AACS: variants seen among roughly 807,000 people sequenced by gnomAD.
AACS encodes acetoacetate-CoA ligase.
In AACS, 69 loss-of-function variants were observed where a neutral mutation model predicts 83.1. That is an observed-to-expected ratio of 0.83 (90% confidence interval 0.68 to 1.01). AACS has a LOEUF of 1.01. Ranked by LOEUF, AACS falls within the 50% of genes least tolerant of loss-of-function variation. AACS has a pLI of 0.00. For synonymous variants in AACS, 333 were observed against 343.4 expected (o/e 0.97, Z 0.33); for missense variants, 866 against 882.2 (o/e 0.98, Z 0.23).
intron 5 of AACS, among the ~76,000 whole-genome samples, chr12:125,095,562 C>A (rs1344074069): frequency 1.3e-5 from 2 of 152,202 alleles, no homozygotes; most frequent in African/African-American, 4.8e-5. Flanking sequence ...GGCTTCCTGG[C>A]AGGTCTTCCT....
At chr12:125,119,747 C>T (rs1420212260) in intron 10 of AACS, 1 of 152,072 alleles carries the variant, frequency 6.6e-6, no homozygotes, top group African/African-American at 2.4e-5. Context: ...TGGGTGGAGA[C>T]AGCTAAAACA....
rs773778254 is a variant in AACS, at chr12:125,113,911, G to A, written c.916-566G>A. The stretch of plus-strand genomic sequence containing the variant: ...TAGGGCATAGTGGGTGGGAGGGAGC[G>A]GTTCTGCTTGGGTGTTTTAGCCAGA... On this transcript the variant is annotated intron_variant, in intron 8 of 17. Transcript: ENST00000316519. This position sits in a 1 kb window ranked among gnomAD's most constrained non-coding sequence, Gnocchi z 4.8. Among the ~76,000 whole-genome samples the A allele has an allele frequency of 1.3e-5, 2 of 152,058 alleles. No individual in the cohort carries two copies. The highest frequency in any genetic ancestry group is 2.4e-5 in the African/African-American group (1 of 41,394).
intron 5 of AACS, chr12:125,102,415 A>T (rs947400219): frequency 7.8e-6 from 3 of 382,252 alleles, no homozygotes; most frequent in African/African-American, 4.2e-5. Context: ...ACTGATGATG[A>T]TGCCCTTTCT....
intron 12 of AACS, 145 bp downstream of exon 12, chr12:125,125,169 G>C (rs751456998): frequency 1.2e-5 from 16 of 1,293,672 alleles, no homozygotes; most frequent in Non-Finnish European, 1.7e-5. Flanking sequence ...ATCTGAGGCA[G>C]TGATGTTCCA....
chr12:125,068,400 A>G (rs1220710554), intron 1 of AACS, among the ~76,000 whole-genome samples: 1 of 152,112 alleles, frequency 6.6e-6, no homozygotes, highest in Non-Finnish European at 1.5e-5. Flanking sequence ...TGGAGGTCGC[A>G]GTGAGCCGAG....
In AACS at chr12:125,125,198, G is replaced by A. The variant is rs116973994; in HGVS notation, c.1309+174G>A. Among the ~76,000 whole-genome samples the A allele has an allele frequency of 1.7e-3, 254 of 152,260 alleles. 6 individuals carry two copies. In the East Asian group the frequency reaches 0.039, roughly 23 times the overall value. On this transcript the variant is annotated intron_variant, in intron 12 of 17. Coordinates refer to ENST00000316519, the MANE Select transcript of AACS (RefSeq NM_023928.5). The stretch of plus-strand genomic sequence containing the variant: ...TGTTCCACGAAGTCACTGTGAACAC[G>A]GAACCCATACGGAACCCTTGCTCCT...
At chr12:125,102,481 T>G (rs1045946613) in intron 5 of AACS, 198 bp from the exon 6 acceptor site, 5 of 537,996 alleles carry the variant, frequency 9.3e-6, no homozygotes, top group Non-Finnish European at 1.3e-5. Flanking sequence ...CATTTTTTTT[T>G]TTAGAGACAG....
intron 17 of AACS, among the ~76,000 whole-genome samples, 178 bp from the exon 18 acceptor site, chr12:125,141,914 A>C (rs536858467): frequency 1.3e-5 from 2 of 151,946 alleles, no homozygotes; most frequent in South Asian, 4.1e-4. Flanking sequence ...TGGTCAGTTC[A>C]CCGTACTTCG....
chr12:125,076,730 T>A (rs954245982), intron 3 of AACS, 119 bp downstream of exon 3: 2 of 1,461,988 alleles, frequency 1.4e-6, no homozygotes, highest in African/African-American at 2.8e-5. Context: ...ACCTTTCTGA[T>A]GTAATTAAGA....
At position 125,118,455 on chromosome 12, in the gene AACS, T is replaced by C. The variant is rs957118110; in HGVS notation, c.997-186T>C. On this transcript the variant is annotated intron_variant, in intron 9 of 17. Transcript: ENST00000316519. ...ACATCTTCATGCACATGTGTGAATA[T>C]GTCTGTGTGATCCATTCTTAGATGT... The C allele has an allele frequency of 5.1e-5, 35 of 682,744 alleles. No individual in the cohort carries two copies. In the African/African-American group the frequency reaches 5.4e-4, roughly 11 times the overall value. 42.3% of individuals were successfully genotyped at this position (682,744 alleles called of 1,614,324 possible). A position where few individuals can be genotyped will look rare whatever the true frequency, so the allele number is the denominator to read the frequency against.
chr12:125,078,406 C>T (rs1330321975), intron 3 of AACS: 1 of 447,774 alleles, frequency 2.2e-6, no homozygotes. Flanking sequence ...TGGTTCTCAG[C>T]CTTGACATGG....
chr12:125,116,616 C>A (rs1046548012), intron 9 of AACS, among the ~76,000 whole-genome samples: 30 of 151,994 alleles, frequency 2.0e-4, no homozygotes, highest in African/African-American at 6.3e-4. Flanking sequence ...GGCGCCCGCC[C>A]CCACGCCTGG....
Position 125,142,107 on chromosome 12 carries a change from A to T in AACS, c.1897A>T (p.Lys633Ter), listed in dbSNP as rs745374095. ...TKGIPYTLNG[K>*]KVEVAVKQII... is the part of the protein sequence containing the mutation. The stretch of plus-strand genomic sequence containing the variant: ...TCCCTCGCAGTATACGCTCAACGGC[A>T]AGAAAGTGGAAGTTGCCGTCAAACA... The change falls in exon 18 of 18, where the codon AAG (lysine) becomes TAG (stop). Residue 633 changes from lysine (K) to a stop codon, truncating the protein, a stop_gained. Transcript: ENST00000316519. LOFTEE classifies it high-confidence loss of function. 1.2e-6 allele frequency: 2 copies of T among 1,613,990 alleles called. No homozygotes were observed. Among genetic ancestry groups the T allele is most frequent in the African/African-American group, 2.7e-5 (2 of 74,896 alleles).
rs1207798412 is a variant in AACS at position 125,137,264 on chromosome 12, C to G, written c.1881+400C>G. Among the ~76,000 whole-genome samples the G allele has an allele frequency of 2.0e-5, 3 of 152,344 alleles. No homozygotes were observed. The East Asian group carries it at 5.8e-4, about 29-fold the overall frequency. On this transcript the variant is annotated intron_variant, in intron 17 of 17. Coordinates refer to ENST00000316519, the MANE Select transcript of AACS (RefSeq NM_023928.5). ...TCTCAGCTCACTGCAACCTCCGCTT[C>G]CCAGGTTCAAGCAGTTCTCCTGCCT...
chr12:125,118,272 C>T, intron 9 of AACS: 1 of 227,574 alleles, frequency 4.4e-6, no homozygotes, highest in Non-Finnish European at 8.8e-6. Context: ...TGTCATACTG[C>T]TGGGGGTCAG....
intron 9 of AACS, 120 bp downstream of exon 9, chr12:125,114,677 TTCCCCA>T: frequency 1.6e-6 from 1 of 645,020 alleles, no homozygotes; most frequent in Admixed American, 3.4e-5. Flanking sequence ...TGGTAAGGGC[TTCCCCA>T]GGTGCTGGCC....
intron 2 of AACS, among the ~76,000 whole-genome samples, chr12:125,074,330 T>G (rs1955959574): frequency 6.6e-6 from 1 of 152,050 alleles, no homozygotes; most frequent in Non-Finnish European, 1.5e-5. Context: ...GATGGGAGGA[T>G]CCCTTGAGCT....
At chr12:125,096,485 C>T (rs1439408875) in intron 5 of AACS, among the ~76,000 whole-genome samples, 1 of 152,148 alleles carries the variant, frequency 6.6e-6, no homozygotes, top group African/African-American at 2.4e-5. Context: ...TGGACAGGCC[C>T]CTTACCTGTG....
At chr12:125,084,756 T>G (rs979760682) in intron 3 of AACS, among the ~76,000 whole-genome samples, 1 of 151,940 alleles carries the variant, frequency 6.6e-6, no homozygotes, top group Non-Finnish European at 1.5e-5. Context: ...TTTTTAAAAA[T>G]TTTTTTTGTA....
Sources: gnomAD v4.1 joint callset for allele counts (sites outside exome capture counted in the v4.1 genomes callset) on GRCh38, gnomAD v4.1.1 for gene constraint, Gnocchi (gnomAD v3.1) non-coding constraint, MANE v1.5 for transcripts, NCBI Gene and HGNC (gene_info 2026-07-23, HGNC 2026-07-21) for gene names.